Variants in NAV2 observed in about 807,000 individuals in gnomAD.
NAV2 encodes helicase, APC down-regulated 1.
In NAV2, 54 loss-of-function variants were observed where a neutral mutation model predicts 223.2. The observed-to-expected ratio is 0.24, with a 90% CI of 0.19 to 0.30. NAV2 has a LOEUF of 0.30. Among genes scored for constraint, NAV2 ranks in the 10% least tolerant of loss-of-function variants. The pLI, the probability that NAV2 is intolerant of heterozygous loss-of-function variation, is 1.00. For missense variants in NAV2, 2,806 were observed against 3,147.5 expected (o/e 0.89, Z 2.60); for synonymous variants, 1,279 against 1,239.3 (o/e 1.03, Z -0.67).
chr11:20,043,855 AC>A (rs1815482330), intron 12 of NAV2, 125 bp from the exon 13 acceptor site: 1 of 830,910 alleles, frequency 1.2e-6, no homozygotes, highest in Non-Finnish European at 1.9e-6. Context: ...AAAAGTCCAA[AC>A]ATCTTTAAAG....
intron 11 of NAV2, among the ~76,000 whole-genome samples, chr11:19,990,279 G>A (rs2051196659): frequency 6.6e-6 from 1 of 152,190 alleles, no homozygotes; most frequent in South Asian, 2.1e-4. Context: ...AGTTGAGGGA[G>A]GAGCCTGCAA....
chr11:19,901,020 A>G (rs2042400952), intron 6 of NAV2, among the ~76,000 whole-genome samples: 2 of 152,204 alleles, frequency 1.3e-5, no homozygotes, highest in South Asian at 4.1e-4. Flanking sequence ...CATTTTTTGC[A>G]TAATCCAATT....
At chr11:19,816,694 G>T (rs561853041) in intron 1 of NAV2, among the ~76,000 whole-genome samples, 1 of 152,126 alleles carries the variant, frequency 6.6e-6, no homozygotes, top group Non-Finnish European at 1.5e-5. Flanking sequence ...CAGAATATCC[G>T]CCCTCCTAAG....
At chr11:19,935,398 C>T (rs2045757208) in intron 7 of NAV2, among the ~76,000 whole-genome samples, 1 of 152,188 alleles carries the variant, frequency 6.6e-6, no homozygotes, top group Non-Finnish European at 1.5e-5. Context: ...TAAGCATGGA[C>T]ACAAGTATAC....
Position 19,577,810 on chromosome 11 carries a change from T to G in NAV2, c.75+226783T>G, listed in dbSNP as rs2045611644. ...TGGGGGCTGCTTTCTGTTCCAATGG[T>G]GGCAGCAGCAGCAGGAGCAAGATGC... On this transcript the variant is annotated intron_variant, in intron 1 of 37. Coordinates refer to the NAV2 transcript ENST00000360655. 2.6e-5 allele frequency among the ~76,000 whole-genome samples: 4 copies of G among 152,134 alleles called. No homozygotes were observed. In the South Asian group the frequency reaches 8.3e-4, roughly 32 times the overall value.
chr11:20,113,700 G>C lies in NAV2; in HGVS notation c.6961-892G>C, dbSNP rs574402573. On this transcript the variant is annotated intron_variant, in intron 36 of 37. Transcript: ENST00000349880. Reference sequence around the variant, plus strand: ...GCTGTAAGAGTCAGACCCATTTCAAGAAACGGGGTTTTATTGAGCCAGGAC... The same window carrying C: ...GCTGTAAGAGTCAGACCCATTTCAACAAACGGGGTTTTATTGAGCCAGGAC... Among the ~76,000 whole-genome samples the C allele has an allele frequency of 3.9e-5, 6 of 152,276 alleles. No homozygotes were observed. The South Asian group carries it at 1.0e-3, about 26-fold the overall frequency.
intron 1 of NAV2, among the ~76,000 whole-genome samples, chr11:19,450,892 T>C (rs1851767501): frequency 6.6e-6 from 1 of 152,172 alleles, no homozygotes. Context: ...CTGTGCATTA[T>C]GGTGCCAACT....
At chr11:19,708,912 A>G (rs1590125331), upstream of NAV2, among the ~76,000 whole-genome samples, 1 of 151,884 alleles carries the variant, frequency 6.6e-6, no homozygotes, top group Non-Finnish European at 1.5e-5. Context: ...AAAAAAAAAA[A>G]AAAGAAAAAA....
intron 1 of NAV2, among the ~76,000 whole-genome samples, chr11:19,776,142 C>T (rs2056135689): frequency 6.6e-6 from 1 of 152,166 alleles, no homozygotes; most frequent in Non-Finnish European, 1.5e-5. Context: ...CCAGGATTTC[C>T]ATCCTAGGAT....
At chr11:19,703,658 G>A (rs1381539390) in intron 1 of NAV2, among the ~76,000 whole-genome samples, 1 of 152,208 alleles carries the variant, frequency 6.6e-6, no homozygotes, top group Non-Finnish European at 1.5e-5. Context: ...AGTAATAGAA[G>A]GCCTGGATTT....
At chr11:19,681,715 T>C (rs2048884857) in intron 1 of NAV2, among the ~76,000 whole-genome samples, 1 of 152,188 alleles carries the variant, frequency 6.6e-6, no homozygotes, top group African/African-American at 2.4e-5. Context: ...AATCTCTCTA[T>C]ACAGAACATG....
chr11:19,359,806 CA>C (rs1174728280), intron 1 of NAV2, among the ~76,000 whole-genome samples: 1 of 152,178 alleles, frequency 6.6e-6, no homozygotes, highest in East Asian at 1.9e-4. Context: ...AAGATGCTGC[CA>C]TGCGTGTCTC....
At position 20,049,919 on chromosome 11, in the gene NAV2, C is replaced by G. The variant is rs766233232; in HGVS notation, c.4436+18C>G. The G allele has an allele frequency of 1.2e-6, 2 of 1,612,746 alleles. No individual in the cohort carries two copies. The highest frequency in any genetic ancestry group is 2.7e-5 in the African/African-American group (2 of 74,866). On this transcript the variant is annotated intron_variant, in intron 16 of 37. Transcript: ENST00000349880. ...CAGGACAGGTAATGACATTGCAGGC[C>G]GGGGACCAACCGAGCCTCTAGGTTC...
intron 11 of NAV2, among the ~76,000 whole-genome samples, chr11:20,015,732 T>A (rs375308526): frequency 6.6e-6 from 1 of 152,174 alleles, no homozygotes; most frequent in Non-Finnish European, 1.5e-5. Flanking sequence ...CAGCTGATAT[T>A]TTAAAGAGAA....
At chr11:19,373,794 A>G (rs1412150348) in intron 1 of NAV2, among the ~76,000 whole-genome samples, 10 of 152,216 alleles carry the variant, frequency 6.6e-5, no homozygotes, top group Admixed American at 6.5e-4. Flanking sequence ...ATGTGGCTGC[A>G]TGTGGCCTGG....
chr11:19,556,536 T>A (rs1344972982), intron 1 of NAV2, among the ~76,000 whole-genome samples: 2 of 152,252 alleles, frequency 1.3e-5, no homozygotes, highest in Non-Finnish European at 2.9e-5. Flanking sequence ...CCTATGGGCT[T>A]ACCAGCATGT....
chr11:19,494,003 G>A (rs1411460955), intron 1 of NAV2, among the ~76,000 whole-genome samples: 2 of 152,218 alleles, frequency 1.3e-5, no homozygotes, highest in Non-Finnish European at 2.9e-5. Context: ...CTGTAGCTGT[G>A]GAGATGACTG....
At chr11:19,788,863 A>G (rs918215561) in intron 1 of NAV2, among the ~76,000 whole-genome samples, 1 of 152,176 alleles carries the variant, frequency 6.6e-6, no homozygotes, top group African/African-American at 2.4e-5. Flanking sequence ...GCTCCTTCAC[A>G]GAGACCTTCC....
intron 1 of NAV2, among the ~76,000 whole-genome samples, chr11:19,422,266 C>T (rs1322788372): frequency 2.6e-5 from 4 of 152,272 alleles, no homozygotes; most frequent in South Asian, 2.1e-4. Flanking sequence ...CGCCTTGGTA[C>T]GTGGTGGTTT....
Sources: gnomAD v4.1 joint callset for allele counts (sites outside exome capture counted in the v4.1 genomes callset) on GRCh38, gnomAD v4.1.1 for gene constraint, MANE v1.5 for transcripts, NCBI Gene and HGNC (gene_info 2026-07-23, HGNC 2026-07-21) for gene names.